Variants in NFAT5 observed in about 807,000 individuals in gnomAD.
The protein encoded by NFAT5 is nuclear factor of activated T-cells 5.
In NFAT5, 31 loss-of-function variants were observed where a neutral mutation model predicts 166.5. That is an observed-to-expected ratio of 0.19 (90% CI 0.14 to 0.25). NFAT5 has a LOEUF of 0.25. NFAT5 is among the 10% of genes least tolerant of loss of function. The pLI is 1.00. For missense variants in NFAT5, 1,449 were observed against 1,821.8 expected (o/e 0.80, Z 3.72); for synonymous variants, 612 against 639.7 (o/e 0.96, Z 0.65).
chr16:69,601,177 A>G (rs2033112538), intron 2 of NFAT5, among the ~76,000 whole-genome samples: 2 of 152,136 alleles, frequency 1.3e-5, no homozygotes, highest in Admixed American at 1.3e-4. Flanking sequence ...AATCACATGC[A>G]GTCCTGCCAT....
Position 69,702,308 on chromosome 16 carries a change from T to C in NFAT5, c.*5957T>C, listed in dbSNP as rs940550121. ...AAATGTTATATGGATTTTTCTAAAA[T>C]GACTATATAGGACTTAAGACTTTGA... On this transcript the variant is annotated 3_prime_UTR_variant, in exon 15 of 15. Transcript: ENST00000349945. The C allele has an allele frequency of 6.6e-6, 1 of 152,662 alleles. No individual in the cohort carries two copies. The highest frequency in any genetic ancestry group is 1.5e-5 in the Non-Finnish European group (1 of 68,038). 9.5% of individuals were successfully genotyped at this position (152,662 alleles called of 1,614,324 possible). A position where few individuals can be genotyped will look rare whatever the true frequency, so the allele number is the denominator to read the frequency against.
intron 3 of NFAT5, among the ~76,000 whole-genome samples, chr16:69,644,141 C>T (rs2035334428): frequency 6.6e-6 from 1 of 151,930 alleles, no homozygotes; most frequent in African/African-American, 2.4e-5. Context: ...AAAAAGTAGC[C>T]AGGCATGGTG....
At chr16:69,696,078 T>C (rs1371157456) in intron 14 of NFAT5, among the ~76,000 whole-genome samples, 1 of 152,240 alleles carries the variant, frequency 6.6e-6, no homozygotes, top group Non-Finnish European at 1.5e-5. Flanking sequence ...TCAACCTATA[T>C]TGGACATTCC....
chr16:69,627,309 T>C (rs1403585946), intron 3 of NFAT5, among the ~76,000 whole-genome samples: 1 of 139,864 alleles, frequency 7.1e-6, no homozygotes, highest in African/African-American at 2.6e-5. Flanking sequence ...TGTGTTTGTT[T>C]TAAAAAAAGG....
At chr16:69,606,737 C>A (rs2033432535) in intron 2 of NFAT5, among the ~76,000 whole-genome samples, 1 of 152,096 alleles carries the variant, frequency 6.6e-6, no homozygotes, top group South Asian at 2.1e-4. Flanking sequence ...GCCTGTAATT[C>A]CAGTTACTCA....
At chr16:69,648,708 A>G (rs2035551001) in intron 4 of NFAT5, 1 of 972,856 alleles carries the variant, frequency 1.0e-6, no homozygotes, top group African/African-American at 1.8e-5. Context: ...TACATTCAAA[A>G]TAATTTGTTA....
chr16:69,623,034 A>G (rs928250498), intron 2 of NFAT5, among the ~76,000 whole-genome samples: 5 of 152,058 alleles, frequency 3.3e-5, no homozygotes, highest in African/African-American at 7.2e-5. Context: ...AATCTCAGCA[A>G]CTTGGGAGGC....
intron 2 of NFAT5, among the ~76,000 whole-genome samples, chr16:69,616,997 T>G (rs1226119092): frequency 6.7e-6 from 1 of 148,896 alleles, no homozygotes; most frequent in Non-Finnish European, 1.5e-5. Context: ...CAGGCTGGAG[T>G]AAGTGGCGCG....
Position 69,684,881 on chromosome 16 carries a change from T to A in NFAT5, c.1691-6T>A. 1 of 1,589,244 alleles carries A rather than the reference T, an allele frequency of 6.3e-7. No individual in the cohort carries two copies. The highest frequency in any genetic ancestry group is 8.6e-7 in the Non-Finnish European group (1 of 1,168,272). On this transcript the variant is annotated splice_polypyrimidine_tract_variant and splice_region_variant and intron_variant, in intron 10 of 14. Coordinates refer to ENST00000349945, the MANE Select transcript of NFAT5 (RefSeq NM_138713.4). ...TAGATAAATACATTAATCTTTTTTT[T>A]AATAGCAGCAGCTGGTGCTTTGAAT...
chr16:69,613,418 A>T (rs551990338), intron 2 of NFAT5, among the ~76,000 whole-genome samples: 1 of 152,138 alleles, frequency 6.6e-6, no homozygotes, highest in Non-Finnish European at 1.5e-5. Context: ...GTGCTGAGGG[A>T]TAAAACCCTT....
At chr16:69,688,783 A>G (rs1056743946) in intron 11 of NFAT5, among the ~76,000 whole-genome samples, 9 of 152,202 alleles carry the variant, frequency 5.9e-5, no homozygotes, top group Non-Finnish European at 1.2e-4. Flanking sequence ...TTGATTACCT[A>G]CTGTGCAACA....
intron 3 of NFAT5, among the ~76,000 whole-genome samples, chr16:69,627,315 AAAG>A (rs1031988756): frequency 8.0e-6 from 1 of 124,282 alleles, no homozygotes; most frequent in African/African-American, 2.9e-5. Flanking sequence ...TGTTTTAAAA[AAAG>A]GAAACATATA....
In NFAT5 at chr16:69,698,794, A is replaced by C. The variant is rs1300705632; in HGVS notation, c.*2443A>C. ...ATTATTAATTGGCTTTCTGTATTCT[A>C]TGCCTTTTATTTATAAAGACACTAA... On this transcript the variant is annotated 3_prime_UTR_variant, in exon 15 of 15. Coordinates refer to ENST00000349945, the MANE Select transcript of NFAT5 (RefSeq NM_138713.4). The C allele has an allele frequency of 1.3e-5, 2 of 152,606 alleles. No homozygotes were observed. The highest frequency in any genetic ancestry group is 6.5e-5 in the Admixed American group (1 of 15,276). The allele number at this position is 152,606 out of a possible 1,614,324, so 9.5% of individuals were successfully genotyped here.
intron 2 of NFAT5, among the ~76,000 whole-genome samples, chr16:69,595,066 A>G (rs1366858367): frequency 6.6e-6 from 1 of 152,196 alleles, no homozygotes; most frequent in Non-Finnish European, 1.5e-5. Flanking sequence ...TGCCTTTCCC[A>G]GTCCACTGAC....
At chr16:69,690,775 A>C (rs746298372) in intron 11 of NFAT5, 165 bp from the exon 12 acceptor site, 20 of 459,764 alleles carry the variant, frequency 4.4e-5, no homozygotes, top group African/African-American at 3.6e-4. Flanking sequence ...AATGCACTTC[A>C]TAAAAGGGAA....
chr16:69,669,522 G>A (rs551511541), intron 7 of NFAT5, among the ~76,000 whole-genome samples: 178 of 152,272 alleles, frequency 1.2e-3, no homozygotes, highest in African/African-American at 4.0e-3. Context: ...TCTAGCCTGG[G>A]CGACAGAGTG....
At chr16:69,655,916 A>G in intron 6 of NFAT5, 117 bp downstream of exon 6, 2 of 710,002 alleles carry the variant, frequency 2.8e-6, no homozygotes, top group East Asian at 3.1e-5. Flanking sequence ...TTTAAATATT[A>G]TGAATAAAAA....
rs1555530931 is a variant in NFAT5, at chr16:69,670,220, T to TG, written c.1505-16_1505-15insG. 4 of 1,446,558 alleles carry TG rather than the reference T, an allele frequency of 2.8e-6. No homozygotes were observed. Among genetic ancestry groups the TG allele is most frequent in the Middle Eastern group, 1.8e-4 (1 of 5,692 alleles). 89.6% of individuals were successfully genotyped at this position (1,446,558 alleles called of 1,614,324 possible). On this transcript the variant is annotated splice_polypyrimidine_tract_variant and intron_variant, in intron 8 of 14. Coordinates refer to ENST00000349945, the MANE Select transcript of NFAT5 (RefSeq NM_138713.4). ...ATAGTTCAAAAATTTAATAAATCAC[T>TG]TTTTATTTCAATCAGATGAAAACTC...
chr16:69,602,188 C>T (rs1365250510), intron 2 of NFAT5, among the ~76,000 whole-genome samples: 1 of 151,554 alleles, frequency 6.6e-6, no homozygotes, highest in Non-Finnish European at 1.5e-5. Context: ...AATTTTCTAG[C>T]TAATTAAAAT....
Sources: gnomAD v4.1 joint callset for allele counts (sites outside exome capture counted in the v4.1 genomes callset) on GRCh38, gnomAD v4.1.1 for gene constraint, MANE v1.5 for transcripts, NCBI Gene and HGNC (gene_info 2026-07-23, HGNC 2026-07-21) for gene names.